NRG3: variants seen among roughly 807,000 people sequenced by gnomAD.
NRG3 encodes the protein pro-neuregulin-3, membrane-bound isoform.
NRG3 carries 31 observed loss-of-function variants against 66.9 expected under a neutral mutation model. That is an observed-to-expected ratio of 0.46 (90% CI 0.35 to 0.63). NRG3 has a LOEUF of 0.63. Among genes scored for constraint, NRG3 ranks in the 20% least tolerant of loss-of-function variants. NRG3 has a pLI of 0.00. For synonymous variants in NRG3, 393 were observed against 359.4 expected, an observed-to-expected ratio of 1.09 and a Z score of -1.06; for missense variants, 910 against 878.9, an observed-to-expected ratio of 1.04 and a Z score of -0.45.
chr10:82,320,932 G>C (rs2081537375), intron 1 of NRG3, among the ~76,000 whole-genome samples: 1 of 152,094 alleles, frequency 6.6e-6, no homozygotes, highest in South Asian at 2.1e-4. Flanking sequence ...CACCTTTCCA[G>C]CTCCTCATCC....
intron 4 of NRG3, among the ~76,000 whole-genome samples, chr10:82,881,963 C>T (rs1842339462): frequency 6.6e-6 from 1 of 152,200 alleles, no homozygotes; most frequent in African/African-American, 2.4e-5. Context: ...GCCCCTGGAA[C>T]AGTGCCAAAT....
chr10:82,538,283 A>C (rs1187335464), intron 2 of NRG3, among the ~76,000 whole-genome samples: 4 of 152,206 alleles, frequency 2.6e-5, no homozygotes, highest in Admixed American at 2.0e-4. Context: ...CTGGATTCAG[A>C]ATGTGAACTA....
intron 2 of NRG3, among the ~76,000 whole-genome samples, chr10:82,504,856 A>C (rs1217903979): frequency 6.6e-6 from 1 of 151,580 alleles, no homozygotes; most frequent in African/African-American, 2.4e-5. Flanking sequence ...CCCTCTATAC[A>C]TCACACTTTT....
chr10:82,035,069 G>T (rs898901120), intron 1 of NRG3, among the ~76,000 whole-genome samples: 4 of 152,046 alleles, frequency 2.6e-5, no homozygotes, highest in African/African-American at 9.7e-5. Flanking sequence ...TAGTGGGTTT[G>T]ATTTTCTTTA....
chr10:82,111,107 A>G (rs12414830), intron 1 of NRG3, among the ~76,000 whole-genome samples: 6,370 of 152,252 alleles, frequency 0.042, 179 homozygotes, highest in East Asian at 0.1. Context: ...TTTTGAAAAC[A>G]TGTTCCCACA....
chr10:82,200,699 A>T (rs991362763), intron 1 of NRG3, among the ~76,000 whole-genome samples: 14 of 152,294 alleles, frequency 9.2e-5, no homozygotes, highest in African/African-American at 2.9e-4. Flanking sequence ...TTCAGAAAAG[A>T]ATCAGGCCTG....
At chr10:82,809,609 G>T (rs1374762498) in intron 3 of NRG3, among the ~76,000 whole-genome samples, 1 of 152,030 alleles carries the variant, frequency 6.6e-6, no homozygotes, top group Non-Finnish European at 1.5e-5. Flanking sequence ...TGATTTTTAA[G>T]AAATTCAACC....
chr10:82,306,608 G>A (rs1183821430), intron 1 of NRG3, among the ~76,000 whole-genome samples: 2 of 149,804 alleles, frequency 1.3e-5, no homozygotes, highest in African/African-American at 4.9e-5. Flanking sequence ...GGAGGCTGAG[G>A]CAGGAGAATG....
intron 4 of NRG3, among the ~76,000 whole-genome samples, chr10:82,911,823 AACTTAGATTAAT>A (rs1845348512): frequency 6.6e-6 from 1 of 151,784 alleles, no homozygotes; most frequent in Non-Finnish European, 1.5e-5. Flanking sequence ...TTAAGGTAGA[AACTTAGATTAAT>A]ATTTAGATCT....
At chr10:82,913,033 G>A (rs560737614) in intron 4 of NRG3, among the ~76,000 whole-genome samples, 4 of 152,256 alleles carry the variant, frequency 2.6e-5, no homozygotes, top group African/African-American at 9.6e-5. Context: ...AGACCATCCT[G>A]GCTAACACGG....
At chr10:82,897,147 A>C (rs2131845066) in intron 4 of NRG3, among the ~76,000 whole-genome samples, 1 of 152,340 alleles carries the variant, frequency 6.6e-6, no homozygotes, top group South Asian at 2.1e-4. Flanking sequence ...CTAAATGTAC[A>C]ATTGTATGAA....
intron 2 of NRG3, among the ~76,000 whole-genome samples, chr10:82,461,390 T>G (rs1457844119): frequency 6.6e-6 from 1 of 152,090 alleles, no homozygotes; most frequent in African/African-American, 2.4e-5. Context: ...TTACCACCAC[T>G]TCCACTGTGT....
intron 2 of NRG3, among the ~76,000 whole-genome samples, chr10:82,591,448 G>A (rs1181416758): frequency 1.3e-5 from 2 of 152,174 alleles, no homozygotes; most frequent in Non-Finnish European, 2.9e-5. Context: ...AACAATCAAC[G>A]AGTTAGTAAA....
chr10:82,840,481 C>T (rs2063004560), intron 3 of NRG3, among the ~76,000 whole-genome samples: 1 of 152,050 alleles, frequency 6.6e-6, no homozygotes, highest in African/African-American at 2.4e-5. Context: ...CATCATAATT[C>T]AATTGGAGGC....
chr10:82,232,150 C>T (rs574550594), intron 1 of NRG3: 1 of 152,288 alleles, frequency 6.6e-6, no homozygotes, highest in East Asian at 1.9e-4. Flanking sequence ...TCTCTCAAAA[C>T]CCCCAAGTCC....
intron 2 of NRG3, among the ~76,000 whole-genome samples, chr10:82,733,332 A>G (rs2058009231): frequency 6.6e-6 from 1 of 152,246 alleles, no homozygotes; most frequent in South Asian, 2.1e-4. Context: ...GCAATTGTAT[A>G]TAATATCAGC....
intron 1 of NRG3, among the ~76,000 whole-genome samples, chr10:82,124,503 G>T (rs190075163): frequency 6.6e-6 from 1 of 151,752 alleles, no homozygotes; most frequent in Non-Finnish European, 1.5e-5. Context: ...GTTCTCACTC[G>T]TAAGTGAGGC....
chr10:82,843,317 C>T (rs1368687282), intron 3 of NRG3: 2 of 438,778 alleles, frequency 4.6e-6, no homozygotes, highest in Non-Finnish European at 9.2e-6. Flanking sequence ...GACAATTTAG[C>T]TCCCTTTGCT....
chr10:82,383,419 T>C (rs1360533238), intron 2 of NRG3, among the ~76,000 whole-genome samples: 3 of 119,370 alleles, frequency 2.5e-5, no homozygotes, highest in African/African-American at 1.5e-4. Flanking sequence ...TTTATGTTTT[T>C]CCTTTTTTAA....
Sources: gnomAD v4.1 joint callset for allele counts (sites outside exome capture counted in the v4.1 genomes callset) on GRCh38, gnomAD v4.1.1 for gene constraint, MANE v1.5 for transcripts, NCBI Gene and HGNC (gene_info 2026-07-23, HGNC 2026-07-21) for gene names.